IDO2: variants seen among roughly 807,000 people sequenced by gnomAD.
IDO2 encodes the protein indoleamine 2,3-dioxygenase 2.
Under a neutral mutation model 45.1 loss-of-function variants are expected in IDO2, and 46 were observed. That is an observed-to-expected ratio of 1.02 (90% CI 0.80 to 1.30). IDO2 has a LOEUF of 1.30. Among genes scored for constraint, IDO2 ranks in the 50% most tolerant of loss-of-function variants. The pLI is 0.00. For missense variants in IDO2, 544 were observed against 491.8 expected (o/e 1.11, Z -1.00); for synonymous variants, 218 against 184.9 (o/e 1.18, Z -1.45).
intron 1 of IDO2, among the ~76,000 whole-genome samples, chr8:39,946,919 G>A (rs1807741177): frequency 6.6e-6 from 1 of 152,032 alleles, no homozygotes; most frequent in African/African-American, 2.4e-5. Flanking sequence ...CAGCACTTTG[G>A]GAGGCCAAGG....
intron 9 of IDO2, among the ~76,000 whole-genome samples, chr8:40,012,249 T>G (rs1286363827): frequency 2.0e-5 from 3 of 152,220 alleles, no homozygotes; most frequent in Non-Finnish European, 4.4e-5. Flanking sequence ...CTGTTTAAAC[T>G]CATAACAGAG....
intron 2 of IDO2, among the ~76,000 whole-genome samples, chr8:39,956,059 C>CTTT (rs34663844): frequency 1.5e-5 from 2 of 131,436 alleles, no homozygotes; most frequent in Non-Finnish European, 3.3e-5. Context: ...CATTAGATGA[C>CTTT]TTTTTTTTTT....
chr8:40,013,596 C>T (rs112531017), exon 10 of IDO2: 5 of 1,613,796 alleles, frequency 3.1e-6, no homozygotes, highest in Non-Finnish European at 4.2e-6. Flanking sequence ...GCCTGCAGGG[C>T]TGATGTATGA....
chr8:40,014,778 T>G (rs1372085324), intron 10 of IDO2, among the ~76,000 whole-genome samples: 4 of 152,204 alleles, frequency 2.6e-5, no homozygotes, highest in African/African-American at 9.7e-5. Flanking sequence ...TTTGAGTACG[T>G]GAAGTCTGCA....
chr8:39,978,109 A>C (rs1808289190), intron 3 of IDO2, among the ~76,000 whole-genome samples: 1 of 152,224 alleles, frequency 6.6e-6, no homozygotes, highest in African/African-American at 2.4e-5. Context: ...AGAAGTGCGC[A>C]GTCTGGCCAT....
At chr8:39,942,961 C>G (rs565022384) in intron 1 of IDO2, among the ~76,000 whole-genome samples, 69 of 152,136 alleles carry the variant, frequency 4.5e-4, no homozygotes, top group Non-Finnish European at 8.5e-4. Context: ...AAGGAAAGAA[C>G]GAGAGGACAA....
chr8:39,990,160 G>A (rs968016167), intron 8 of IDO2, among the ~76,000 whole-genome samples: 10 of 152,104 alleles, frequency 6.6e-5, no homozygotes, highest in Middle Eastern at 3.2e-3. Context: ...AATGTTGGTC[G>A]CGCGTGCCCC....
intron 9 of IDO2, among the ~76,000 whole-genome samples, chr8:40,008,943 GT>G (rs1466727663): frequency 2.6e-5 from 4 of 152,062 alleles, no homozygotes; most frequent in Non-Finnish European, 5.9e-5. Context: ...CATTAGCATT[GT>G]CTAGAAAAAT....
Position 39,982,222 on chromosome 8 carries a change from C to T in IDO2, c.316-430C>T, listed in dbSNP as rs527723034. Among the ~76,000 whole-genome samples, 4 of 112,338 alleles carry T rather than the reference C, an allele frequency of 3.6e-5. No homozygotes were observed. In the East Asian group the frequency reaches 1.0e-3, roughly 29 times the overall value. The allele number at this position is 112,338 out of a possible 152,430, so 73.7% of individuals were successfully genotyped here. A position where few individuals can be genotyped will look rare whatever the true frequency, so the allele number is the denominator to read the frequency against. ...ATCTATCTATGTATCTATCATCTCTCTCTATATATGTGTGTATATATATAT... is the reference window on the plus strand; with the variant it reads ...ATCTATCTATGTATCTATCATCTCTTTCTATATATGTGTGTATATATATAT... On this transcript the variant is annotated intron_variant, in intron 4 of 10. Transcript: ENST00000502986.
intron 9 of IDO2, among the ~76,000 whole-genome samples, chr8:40,005,724 G>A (rs12682026): frequency 0.46 from 70,049 of 152,046 alleles, 16,773 homozygotes; most frequent in South Asian, 0.54. Flanking sequence ...CATGTAGAAG[G>A]CTGGGGAGTG....
At chr8:39,945,065 T>C (rs1407989427) in intron 1 of IDO2, among the ~76,000 whole-genome samples, 2 of 152,240 alleles carry the variant, frequency 1.3e-5, no homozygotes, top group Non-Finnish European at 2.9e-5. Flanking sequence ...TGTGTGTGCC[T>C]CAGTTTACTG....
intron 4 of IDO2, among the ~76,000 whole-genome samples, chr8:39,981,350 G>T (rs1210895521): frequency 6.6e-6 from 1 of 152,164 alleles, no homozygotes; most frequent in Non-Finnish European, 1.5e-5. Context: ...GTGAGCCACC[G>T]TGCCCGGCGT....
chr8:39,975,648 TA>T (rs1181383299), intron 3 of IDO2, among the ~76,000 whole-genome samples: 9 of 152,146 alleles, frequency 5.9e-5, no homozygotes, highest in Non-Finnish European at 1.0e-4. Flanking sequence ...GGCAGGAATA[TA>T]AAACACCTGA....
chr8:39,958,358 C>G (rs1407117770), intron 2 of IDO2, among the ~76,000 whole-genome samples: 1 of 151,906 alleles, frequency 6.6e-6, no homozygotes, highest in Non-Finnish European at 1.5e-5. Flanking sequence ...CTCAGCCTCC[C>G]GAACAGCTGG....
At chr8:39,939,977 C>T (rs778296248) in intron 1 of IDO2, among the ~76,000 whole-genome samples, 16 of 152,134 alleles carry the variant, frequency 1.1e-4, no homozygotes, top group Non-Finnish European at 2.4e-4. Context: ...CCCTAATACC[C>T]CGACTGATAG....
intron 3 of IDO2, among the ~76,000 whole-genome samples, chr8:39,972,038 G>A (rs1808187195): frequency 6.6e-6 from 1 of 152,040 alleles, no homozygotes; most frequent in Non-Finnish European, 1.5e-5. Context: ...TCAAACTCCT[G>A]GCATCAGGTG....
At chr8:40,013,817 A>G (rs1054003540) in intron 10 of IDO2, 104 bp downstream of exon 10, 99 of 912,106 alleles carry the variant, frequency 1.1e-4, no homozygotes, top group Non-Finnish European at 1.5e-4. Context: ...AAATGTCATG[A>G]AGTTTATACT....
chr8:40,012,610 A>G (rs1215342592), intron 9 of IDO2, among the ~76,000 whole-genome samples: 1 of 152,234 alleles, frequency 6.6e-6, no homozygotes, highest in Non-Finnish European at 1.5e-5. Flanking sequence ...ACCCCCACAA[A>G]CTGTGATTGT....
At chr8:39,997,840 CCCCA>C (rs1453854981) in intron 8 of IDO2, 2 of 162,170 alleles carry the variant, frequency 1.2e-5, no homozygotes, top group Non-Finnish European at 2.7e-5. Flanking sequence ...TCCCTACACT[CCCCA>C]TCCCATCATT....
Sources: gnomAD v4.1 joint callset for allele counts (sites outside exome capture counted in the v4.1 genomes callset) on GRCh38, gnomAD v4.1.1 for gene constraint, MANE v1.5 for transcripts, NCBI Gene and HGNC (gene_info 2026-07-23, HGNC 2026-07-21) for gene names.